MYL4: variants seen among roughly 807,000 people sequenced by gnomAD.
MYL4 encodes the protein atrial myosin light chain 1.
Under a neutral mutation model 21.6 loss-of-function variants are expected in MYL4, and 16 were observed. That is an observed-to-expected ratio of 0.74 (90% CI 0.50 to 1.12). MYL4 has a LOEUF of 1.12. Ranked by LOEUF, MYL4 falls within the 50% of genes most tolerant of loss-of-function variation. The probability of loss-of-function intolerance (pLI) is 0.00; values close to 1 mark genes in which losing one functional copy is unlikely to be tolerated. For synonymous variants in MYL4, 82 were observed against 95.7 expected (o/e 0.86, Z 0.83); for missense variants, 249 against 252.9 (o/e 0.98, Z 0.11).
At chr17:47,210,349 T>G (rs2064764748) in intron 1 of MYL4, among the ~76,000 whole-genome samples, 1 of 152,144 alleles carries the variant, frequency 6.6e-6, no homozygotes, top group African/African-American at 2.4e-5. Context: ...CTCCCAGCTC[T>G]CTGGCCCAGC....
chr17:47,196,630 T>C (rs1409041400), upstream of MYL4, among the ~76,000 whole-genome samples: 1 of 152,230 alleles, frequency 6.6e-6, no homozygotes, highest in Non-Finnish European at 1.5e-5. Flanking sequence ...TGAAATTCTA[T>C]TTATTCTTCA....
chr17:47,193,480 C>T, the MYL4 span, among the ~76,000 whole-genome samples: 1 of 152,148 alleles, frequency 6.6e-6, no homozygotes, highest in Admixed American at 6.5e-5. Flanking sequence ...GTTGGCTGGG[C>T]TGGTCTCGAA....
At chr17:47,220,640 C>A (rs1356945827) in intron 3 of MYL4, among the ~76,000 whole-genome samples, 2 of 152,130 alleles carry the variant, frequency 1.3e-5, no homozygotes, top group Non-Finnish European at 2.9e-5. Flanking sequence ...GTGGTGCAAA[C>A]GATTCTTTTG....
chr17:47,220,070 G>A lies in MYL4; in HGVS notation c.313+17G>A. 1 of 1,599,318 alleles carries A rather than the reference G, an allele frequency of 6.3e-7. No homozygotes were observed. Among genetic ancestry groups the A allele is most frequent in the Non-Finnish European group, 8.5e-7 (1 of 1,171,862 alleles). ...AGCCTGAAGGTCAGTGCGGCTGCAT[G>A]GCAGACCTCTCCCAGGGTCAGGCTT... is the stretch of plus-strand genomic sequence containing the variant. On this transcript the variant is annotated intron_variant, in intron 3 of 6. Transcript: ENST00000393450.
chr17:47,221,190 G>A (rs1237177700), intron 3 of MYL4, among the ~76,000 whole-genome samples: 3 of 152,222 alleles, frequency 2.0e-5, no homozygotes, highest in Non-Finnish European at 1.5e-5. Context: ...TATTGATTCA[G>A]AGTAGCTTCA....
At chr17:47,208,492 T>C (rs531277460), upstream of MYL4, among the ~76,000 whole-genome samples, 1 of 152,078 alleles carries the variant, frequency 6.6e-6, no homozygotes, top group Non-Finnish European at 1.5e-5. Flanking sequence ...GGTGAAGATT[T>C]AATGAGATTT....
downstream of MYL4, among the ~76,000 whole-genome samples, chr17:47,225,882 T>C (rs900938225): frequency 5.3e-5 from 8 of 151,178 alleles, no homozygotes; most frequent in African/African-American, 1.9e-4. Flanking sequence ...TTTTGGTTTT[T>C]TAACATTTAT....
chr17:47,217,956 C>T (rs954837612), intron 2 of MYL4, among the ~76,000 whole-genome samples: 1 of 151,132 alleles, frequency 6.6e-6, no homozygotes, highest in African/African-American at 2.4e-5. Context: ...GCAGGAGAAT[C>T]GCTTGAACCG....
intron 1 of MYL4, among the ~76,000 whole-genome samples, chr17:47,210,886 A>G (rs1202560783): frequency 6.6e-6 from 1 of 152,172 alleles, no homozygotes; most frequent in Non-Finnish European, 1.5e-5. Flanking sequence ...CCTGGCAGGA[A>G]AAGCTGACTA....
At chr17:47,189,595 A>G in the MYL4 span, among the ~76,000 whole-genome samples, 4 of 152,236 alleles carry the variant, frequency 2.6e-5, no homozygotes, top group Non-Finnish European at 5.9e-5. Flanking sequence ...GCGGGCGGGT[A>G]GCGTTACGTG....
chr17:47,225,622 T>C (rs2064882191), downstream of MYL4, among the ~76,000 whole-genome samples: 1 of 152,212 alleles, frequency 6.6e-6, no homozygotes, highest in African/African-American at 2.4e-5. Flanking sequence ...TCACAGCTAA[T>C]GTTGACAAGG....
At position 47,201,121 on chromosome 17, in the gene MYL4, A is replaced by G. The variant is rs369878961; in HGVS notation, c.-35+535A>G. On this transcript the variant is annotated intron_variant and NMD_transcript_variant, in intron 1 of 6. Coordinates refer to the MYL4 transcript ENST00000571981. ...AGGGAGGCAGAGGTTGCAGTAAGAG[A>G]TCGAGCCACTGCACTCCAGCCTGGG... Among the ~76,000 whole-genome samples, 142 of 152,340 alleles carry G rather than the reference A, an allele frequency of 9.3e-4. 1 individual carries two copies. In the East Asian group the frequency reaches 0.023, roughly 24 times the overall value.
chr17:47,207,723 CT>C (rs1598649547), upstream of MYL4, among the ~76,000 whole-genome samples: 1 of 152,074 alleles, frequency 6.6e-6, no homozygotes, highest in Admixed American at 6.6e-5. Context: ...GATACATAAG[CT>C]TTTTTGTTGT....
upstream of MYL4, among the ~76,000 whole-genome samples, chr17:47,205,149 A>T (rs1236121293): frequency 6.6e-6 from 1 of 152,166 alleles, no homozygotes; most frequent in African/African-American, 2.4e-5. Context: ...TTGACATCTG[A>T]TGTAAACCGG....
At chr17:47,198,819 C>CA (rs1046124516), upstream of MYL4, among the ~76,000 whole-genome samples, 82 of 151,300 alleles carry the variant, frequency 5.4e-4, no homozygotes, top group African/African-American at 1.3e-3. Context: ...CTCATTTCTA[C>CA]AAAAAAAATA....
intron 2 of MYL4, among the ~76,000 whole-genome samples, chr17:47,218,035 C>G (rs1329698587): frequency 9.5e-5 from 14 of 147,530 alleles, no homozygotes; most frequent in Non-Finnish European, 2.1e-4. Flanking sequence ...GAGTGAAACT[C>G]CATCTCAAAA....
At chr17:47,192,087 G>A in the MYL4 span, among the ~76,000 whole-genome samples, 1 of 151,994 alleles carries the variant, frequency 6.6e-6, no homozygotes, top group East Asian at 1.9e-4. Context: ...GGGTGAGGTG[G>A]CTCACGCCTG....
Position 47,216,097 on chromosome 17 carries a change from C to CT in MYL4, c.163+2284dup, listed in dbSNP as rs112133657. ...GCCTGGCCTCCCAATTTCTTTTGTG[C>CT]TTTTTTTTTTTTTCCCCCTCATAGG... is the stretch of plus-strand genomic sequence containing the variant. On this transcript the variant is annotated intron_variant, in intron 2 of 6. Coordinates refer to ENST00000393450, the MANE Select transcript of MYL4 (RefSeq NM_002476.2). 2.8e-3 allele frequency among the ~76,000 whole-genome samples: 410 copies of CT among 144,810 alleles called. 3 individuals carry two copies. The highest frequency in any genetic ancestry group is 7.0e-3 in the African/African-American group (276 of 39,528).
chr17:47,218,786 CAAACAA>C (rs1221799343), intron 2 of MYL4, among the ~76,000 whole-genome samples: 1 of 151,986 alleles, frequency 6.6e-6, no homozygotes, highest in Admixed American at 6.5e-5. Context: ...GACTCTGTCT[CAAACAA>C]AAACAAAAAC....
Sources: gnomAD v4.1 joint callset for allele counts (sites outside exome capture counted in the v4.1 genomes callset) on GRCh38, gnomAD v4.1.1 for gene constraint, MANE v1.5 for transcripts, NCBI Gene and HGNC (gene_info 2026-07-23, HGNC 2026-07-21) for gene names.